The following CD5L variants were observed in gnomAD, a reference collection of about 807,000 sequenced individuals.
CD5L encodes CD5 antigen-like.
Under a neutral mutation model 40.8 loss-of-function variants are expected in CD5L, and 39 were observed. That is an observed-to-expected ratio of 0.96 (90% CI 0.74 to 1.25). The LOEUF (loss-of-function observed/expected upper bound fraction) is 1.25. Among genes scored for constraint, CD5L ranks in the 50% most tolerant of loss-of-function variants. The pLI, the probability that CD5L is intolerant of heterozygous loss-of-function variation, is 0.00. For missense variants in CD5L, 433 were observed against 435.9 expected (o/e 0.99, Z 0.06); for synonymous variants, 192 against 169.6 (o/e 1.13, Z -1.03).
rs1173797690 is a variant in CD5L at position 157,836,025 on chromosome 1, G to T, written c.186C>A (p.Cys62Ter). ...TGGCAGCTCCACAGCCCAGCTCCCG[G>T]CACAACACAGCCACGTCCTTAATGT... Reference protein sequence around the residue: ...GWDIKDVAVLCRELGCGAASG... With the variant: ...GWDIKDVAVL Residue 62 changes from cysteine (C) to a stop codon, truncating the protein, a stop_gained, in exon 3 of 6, where the codon TGC becomes TGA. Coordinates refer to ENST00000368174, the MANE Select transcript of CD5L (RefSeq NM_005894.3). LOFTEE classifies it high-confidence loss of function. 6.2e-7 allele frequency: 1 copy of T among 1,614,036 alleles called. No homozygotes were observed. Among genetic ancestry groups the T allele is most frequent in the Non-Finnish European group, 8.5e-7 (1 of 1,180,038 alleles).
chr1:157,833,606 T>A (rs1486448586), intron 4 of CD5L, 94 bp from the exon 5 acceptor site: 1 of 1,011,326 alleles, frequency 9.9e-7, no homozygotes, highest in Admixed American at 2.6e-5. Context: ...CATTTTGTAT[T>A]TTTTGTATGT....
rs1656060081 is a variant in CD5L at position 157,831,862 on chromosome 1, TCAAGCCTGAGC to T, written c.*91_*101del. On this transcript the variant is annotated 3_prime_UTR_variant, in exon 6 of 6. Coordinates refer to ENST00000368174, the MANE Select transcript of CD5L (RefSeq NM_005894.3). ...CCTGAGGGGATGAGGGAGTAGTGGC[TCAAGCCTGAGC>T]CCCAGAATGAGTATGAGGATAATCA... is the stretch of plus-strand genomic sequence containing the variant. The T allele has an allele frequency of 1.4e-6, 2 of 1,473,632 alleles. No individual in the cohort carries two copies. Among genetic ancestry groups the T allele is most frequent in the South Asian group, 3.1e-5 (2 of 63,580 alleles). The allele number at this position is 1,473,632 out of a possible 1,614,324, so 91.3% of individuals were successfully genotyped here.
Position 157,831,928 on chromosome 1 carries a change from G to A in CD5L, c.*36C>T, listed in dbSNP as rs749717882. 1.4e-5 allele frequency: 22 copies of A among 1,560,002 alleles called. No individual in the cohort carries two copies. The highest frequency in any genetic ancestry group is 1.7e-4 in the Middle Eastern group (1 of 5,748). ...TCAGGAGAACAAGCAGAGGGCAGGC[G>A]GGGCCAGGGGGGCCAGGTCAAGCAA... On this transcript the variant is annotated 3_prime_UTR_variant, in exon 6 of 6. Transcript: ENST00000368174.
At chr1:157,841,033 TAA>T (rs57098189) in intron 1 of CD5L, among the ~76,000 whole-genome samples, 4 of 151,162 alleles carry the variant, frequency 2.6e-5, no homozygotes, top group African/African-American at 9.7e-5. Flanking sequence ...AGTTATCTTA[TAA>T]AAAAAAATAC....
At position 157,835,843 on chromosome 1, in the gene CD5L, G is replaced by A. The variant is rs545632901; in HGVS notation, c.368C>T (p.Ser123Leu). The A allele has an allele frequency of 3.7e-6, 6 of 1,610,870 alleles. No individual in the cohort carries two copies. The highest frequency in any genetic ancestry group is 1.7e-5 in the Admixed American group (1 of 59,924). ...ACCCCTGCCATACTCACTCTCACAC[G>A]ATGCCCCAGCATCTTCATCATGTGA... ...DCSHDEDAGA[S>L]CENPESSFSP... The change falls in exon 3 of 6, where the codon TCG becomes TTG. Residue 123 changes from serine to leucine, a missense_variant. By Grantham distance (145) the Ser-to-Leu change is moderately radical. Transcript: ENST00000368174.
At chr1:157,827,305 TGTGTGTG>T (rs1655927067), downstream of CD5L, among the ~76,000 whole-genome samples, 1 of 149,004 alleles carries the variant, frequency 6.7e-6, no homozygotes, top group Non-Finnish European at 1.5e-5. Context: ...TGTGTGTGTG[TGTGTGTG>T]TTATAATGTA....
chr1:157,832,157 C>T (rs910760397), intron 5 of CD5L, among the ~76,000 whole-genome samples, 189 bp from the exon 6 acceptor site: 4 of 152,206 alleles, frequency 2.6e-5, no homozygotes, highest in Non-Finnish European at 5.9e-5. Flanking sequence ...ACTTACTCAA[C>T]TAGCTCCATG....
At chr1:157,832,971 T>A (rs1384705185) in intron 5 of CD5L, among the ~76,000 whole-genome samples, 2 of 152,176 alleles carry the variant, frequency 1.3e-5, no homozygotes, top group Admixed American at 1.3e-4. Flanking sequence ...TCAATACGTA[T>A]ATAGTGTCAG....
At position 157,831,756 on chromosome 1, in the gene CD5L, G is replaced by A; in HGVS notation, c.*208C>T. ...GGAAGCTCATCTTCCCCAGCAAGAG[G>A]GAACTCAACAGCTCACATCTACAGG... On this transcript the variant is annotated 3_prime_UTR_variant, in exon 6 of 6. Coordinates refer to ENST00000368174, the MANE Select transcript of CD5L (RefSeq NM_005894.3). The A allele has an allele frequency of 3.1e-6, 4 of 1,278,706 alleles. No individual in the cohort carries two copies. Among genetic ancestry groups the A allele is most frequent in the Non-Finnish European group, 4.0e-6 (4 of 1,008,250 alleles). 79.2% of individuals were successfully genotyped at this position (1,278,706 alleles called of 1,614,324 possible). A position where few individuals can be genotyped will look rare whatever the true frequency, so the allele number is the denominator to read the frequency against.
At position 157,830,923 on chromosome 1, in the gene CD5L, T is replaced by A; in HGVS notation, c.*1041A>T. The A allele has an allele frequency of 1.0e-6, 1 of 984,014 alleles. No individual in the cohort carries two copies. Among genetic ancestry groups the A allele is most frequent in the Non-Finnish European group, 1.2e-6 (1 of 828,626 alleles). 61.0% of individuals were successfully genotyped at this position (984,014 alleles called of 1,614,324 possible). ...CACAGAGAGGCAATTGTTGAGACTG[T>A]GAAATCTGATTTATTAGATAAGTGT... On this transcript the variant is annotated 3_prime_UTR_variant, in exon 6 of 6. Coordinates refer to ENST00000368174, the MANE Select transcript of CD5L (RefSeq NM_005894.3).
downstream of CD5L, chr1:157,830,816 TCTCTTCTACCTAAC>T: frequency 2.6e-6 from 1 of 387,836 alleles, no homozygotes; most frequent in Non-Finnish European, 3.5e-6. Flanking sequence ...ACTGGAAGGT[TCTCTTCTACCTAAC>T]CCTGTTTAAG....
At chr1:157,833,541 TG>T in intron 4 of CD5L, 29 bp from the exon 5 acceptor site, 1 of 1,537,318 alleles carries the variant, frequency 6.5e-7, no homozygotes, top group Non-Finnish European at 8.9e-7. Context: ...AGTCAGGGGT[TG>T]GAGACAGGAA....
At chr1:157,829,301 G>C (rs549650960), downstream of CD5L, among the ~76,000 whole-genome samples, 39 of 152,338 alleles carry the variant, frequency 2.6e-4, no homozygotes, top group African/African-American at 8.9e-4. Flanking sequence ...CATTTTAAGA[G>C]AGAAATGAGA....
In CD5L at chr1:157,833,257, CACTGCTCCAGGG is replaced by C; in HGVS notation, c.962_973del (p.Ser321_Gln324del). ...GTGAAACCCCCAAAATCTGTGCTGG[CACTGCTCCAGGG>C]ACTGCTCCTCCCCTGAGCAACGAAC... On this transcript the variant is annotated inframe_deletion, in exon 5 of 6. Coordinates refer to ENST00000368174, the MANE Select transcript of CD5L (RefSeq NM_005894.3). 1 of 1,614,190 alleles carries C rather than the reference CACTGCTCCAGGG, an allele frequency of 6.2e-7. No homozygotes were observed. The highest frequency in any genetic ancestry group is 8.5e-7 in the Non-Finnish European group (1 of 1,180,034).
intron 1 of CD5L, among the ~76,000 whole-genome samples, chr1:157,840,393 A>G (rs1209374526): frequency 6.6e-6 from 1 of 152,076 alleles, no homozygotes; most frequent in South Asian, 2.1e-4. Flanking sequence ...CCCCCATCTT[A>G]TAGGATTTTT....
At chr1:157,828,659 C>T (rs550583776), downstream of CD5L, among the ~76,000 whole-genome samples, 2 of 152,336 alleles carry the variant, frequency 1.3e-5, no homozygotes, top group East Asian at 3.9e-4. Context: ...GTAACCAACT[C>T]ATTAATGCTC....
intron 1 of CD5L, among the ~76,000 whole-genome samples, chr1:157,840,004 C>A (rs981885578): frequency 6.6e-6 from 1 of 152,194 alleles, no homozygotes; most frequent in Admixed American, 6.5e-5. Context: ...TATATGTATG[C>A]AAGTGAGGAC....
Position 157,831,068 on chromosome 1 carries a change from C to G in CD5L, c.*896G>C. The G allele has an allele frequency of 1.0e-6, 1 of 985,378 alleles. No individual in the cohort carries two copies. The highest frequency in any genetic ancestry group is 1.2e-6 in the Non-Finnish European group (1 of 829,918). The allele number at this position is 985,378 out of a possible 1,614,324, so 61.0% of individuals were successfully genotyped here. A position where few individuals can be genotyped will look rare whatever the true frequency, so the allele number is the denominator to read the frequency against. On this transcript the variant is annotated 3_prime_UTR_variant, in exon 6 of 6. Coordinates refer to ENST00000368174, the MANE Select transcript of CD5L (RefSeq NM_005894.3). ...TGTCTTGCCTCAAGCTTACAGGCCCCAAAGTCTCAGTTGATAAAGTGAAAA... is the reference window on the plus strand; with the variant it reads ...TGTCTTGCCTCAAGCTTACAGGCCCGAAAGTCTCAGTTGATAAAGTGAAAA...
In CD5L at chr1:157,834,738, G is replaced by C. The variant is rs759109892; in HGVS notation, c.387C>G (p.Ser129Arg). 1.4e-5 allele frequency: 22 copies of C among 1,612,788 alleles called. No individual in the cohort carries two copies. The highest frequency in any genetic ancestry group is 1.7e-6 in the Non-Finnish European group (2 of 1,178,966). ...CACCCTCTGGGACTGGGGAGAAAGA[G>C]CTCTCTGGGTCTGAGGGGAAAGAAA... ...DAGASCENPE[S>R]SFSPVPEGVR... The change falls in exon 4 of 6, where the codon AGC (serine) becomes AGG (arginine). Residue 129 changes from serine (S) to arginine (R), a missense_variant. Physicochemically the swap from Ser to Arg is moderately radical, Grantham distance 110. Transcript: ENST00000368174.
Sources: gnomAD v4.1 joint callset for allele counts (sites outside exome capture counted in the v4.1 genomes callset) on GRCh38, gnomAD v4.1.1 for gene constraint, MANE v1.5 for transcripts, NCBI Gene and HGNC (gene_info 2026-07-23, HGNC 2026-07-21) for gene names.